Variants in PXDNL observed in about 807,000 individuals in gnomAD.
PXDNL encodes the protein probable oxidoreductase PXDNL.
Under a neutral mutation model 150.8 loss-of-function variants are expected in PXDNL, and 145 were observed. The ratio of observed to expected loss-of-function variants is 0.96; its 90% CI spans 0.84 to 1.10. PXDNL has a LOEUF of 1.10. Ranked by LOEUF, PXDNL falls within the 50% of genes least tolerant of loss-of-function variation. The pLI, the probability that PXDNL is intolerant of heterozygous loss-of-function variation, is 0.00. For synonymous variants in PXDNL, 757 were observed against 725.7 expected, an observed-to-expected ratio of 1.04 and a Z score of -0.69; for missense variants, 2,087 against 1,873.9, an observed-to-expected ratio of 1.11 and a Z score of -2.10.
intron 9 of PXDNL, among the ~76,000 whole-genome samples, chr8:51,457,013 T>G (rs1379241587): frequency 6.6e-6 from 1 of 152,234 alleles, no homozygotes; most frequent in Non-Finnish European, 1.5e-5. Flanking sequence ...GAAAATTTGT[T>G]GCAGTCATTA....
intron 3 of PXDNL, among the ~76,000 whole-genome samples, chr8:51,586,657 C>A (rs1274399521): frequency 1.3e-5 from 2 of 152,080 alleles, no homozygotes; most frequent in Non-Finnish European, 2.9e-5. Flanking sequence ...CTATAGGATA[C>A]AATAGAAATA....
intron 1 of PXDNL, among the ~76,000 whole-genome samples, chr8:51,745,796 GCTGGAGTGCAGTGGTGAGA>G (rs1171858985): frequency 2.7e-5 from 4 of 147,054 alleles, no homozygotes; most frequent in South Asian, 2.1e-4. Context: ...TCACTCTGTC[GCTGGAGTGCAGTGGTGAGA>G]CTGGAGTGCA....
intron 4 of PXDNL, among the ~76,000 whole-genome samples, chr8:51,554,716 A>G (rs1812565793): frequency 6.6e-6 from 1 of 152,176 alleles, no homozygotes; most frequent in Non-Finnish European, 1.5e-5. Flanking sequence ...TTAGAAAATA[A>G]TGGCCTTTAC....
At chr8:51,386,247 C>G (rs1190672617) in intron 17 of PXDNL, among the ~76,000 whole-genome samples, 1 of 152,084 alleles carries the variant, frequency 6.6e-6, no homozygotes, top group Admixed American at 6.6e-5. Flanking sequence ...CACGTGCCAC[C>G]ATGCCCGGCT....
intron 2 of PXDNL, among the ~76,000 whole-genome samples, chr8:51,646,302 C>T (rs750236262): frequency 6.6e-5 from 10 of 152,156 alleles, no homozygotes; most frequent in Non-Finnish European, 1.3e-4. Context: ...TCGGGAGAAA[C>T]CAGACCTGCT....
intron 8 of PXDNL, among the ~76,000 whole-genome samples, chr8:51,471,806 C>A (rs113173215): frequency 0.045 from 6,827 of 151,922 alleles, 225 homozygotes; most frequent in Middle Eastern, 0.078. Context: ...CCTGCCTCAG[C>A]CTCCCGAGTA....
intron 2 of PXDNL, among the ~76,000 whole-genome samples, chr8:51,632,945 A>C (rs969868744): frequency 1.3e-5 from 2 of 152,110 alleles, no homozygotes; most frequent in Admixed American, 1.3e-4. Flanking sequence ...GGTTTGTTAC[A>C]TGGGTATACT....
chr8:51,756,393 G>GAAAAAA (rs199827186), intron 1 of PXDNL, among the ~76,000 whole-genome samples: 1 of 88,722 alleles, frequency 1.1e-5, no homozygotes, highest in African/African-American at 4.4e-5. Context: ...CCCCATCACA[G>GAAAAAA]AAAAAAAAAA....
intron 4 of PXDNL, among the ~76,000 whole-genome samples, chr8:51,513,171 T>C (rs1811460374): frequency 3.3e-5 from 5 of 152,042 alleles, no homozygotes; most frequent in Admixed American, 2.0e-4. Flanking sequence ...GATGAACAAG[T>C]GGTGGGTGGG....
At chr8:51,372,975 T>A (rs959019223) in intron 18 of PXDNL, among the ~76,000 whole-genome samples, 1 of 152,176 alleles carries the variant, frequency 6.6e-6, no homozygotes, top group East Asian at 1.9e-4. Flanking sequence ...TTTTTTGTGC[T>A]GAGTATAGAG....
intron 17 of PXDNL, among the ~76,000 whole-genome samples, chr8:51,406,872 G>T (rs1808450706): frequency 6.6e-6 from 1 of 152,240 alleles, no homozygotes; most frequent in African/African-American, 2.4e-5. Context: ...CATCTGAGCA[G>T]ATGTGCAATA....
At chr8:51,363,848 A>G (rs899698046) in intron 19 of PXDNL, among the ~76,000 whole-genome samples, 14 of 152,182 alleles carry the variant, frequency 9.2e-5, no homozygotes, top group Non-Finnish European at 1.8e-4. Flanking sequence ...TGATGTTATA[A>G]CAGTAGCTAA....
chr8:51,360,564 C>T (rs1477038086), intron 19 of PXDNL, among the ~76,000 whole-genome samples: 6 of 152,232 alleles, frequency 3.9e-5, no homozygotes, highest in Admixed American at 1.3e-4. Context: ...TACCTATCCA[C>T]GTACACAGTT....
chr8:51,398,269 C>G (rs1255965144), intron 17 of PXDNL, among the ~76,000 whole-genome samples: 1 of 152,210 alleles, frequency 6.6e-6, no homozygotes, highest in Non-Finnish European at 1.5e-5. Context: ...TGCAGCTGCA[C>G]TCGAGGCTGC....
At chr8:51,751,467 C>T (rs970085201) in intron 1 of PXDNL, among the ~76,000 whole-genome samples, 1 of 152,170 alleles carries the variant, frequency 6.6e-6, no homozygotes, top group Non-Finnish European at 1.5e-5. Flanking sequence ...AATGAATTGG[C>T]GTGTTTATTT....
In PXDNL at chr8:51,699,621, G is replaced by T. The variant is rs374559434; in HGVS notation, c.165-44861C>A. Among the ~76,000 whole-genome samples, 42 of 152,302 alleles carry T rather than the reference G, an allele frequency of 2.8e-4. No individual in the cohort carries two copies. The South Asian group carries it at 4.4e-3, about 16-fold the overall frequency. On this transcript the variant is annotated intron_variant, in intron 1 of 22. Coordinates refer to ENST00000356297, the MANE Select transcript of PXDNL (RefSeq NM_144651.5). The stretch of plus-strand genomic sequence containing the variant: ...ACAACTTGGCTGTTCGGCACAAGAG[G>T]CCTAGCTTTCAGCCTATCTCAGCTT...
At chr8:51,649,554 A>C (rs1046640470) in intron 2 of PXDNL, among the ~76,000 whole-genome samples, 1 of 152,136 alleles carries the variant, frequency 6.6e-6, no homozygotes, top group African/African-American at 2.4e-5. Context: ...AGTCATTGTA[A>C]AGCACCTACC....
chr8:51,634,350 T>C (rs764608712), intron 2 of PXDNL, among the ~76,000 whole-genome samples: 1 of 152,142 alleles, frequency 6.6e-6, no homozygotes, highest in African/African-American at 2.4e-5. Context: ...TGTCTGTTTT[T>C]GAATCAGTAC....
At chr8:51,729,100 C>A (rs1379558740) in intron 1 of PXDNL, among the ~76,000 whole-genome samples, 1 of 152,148 alleles carries the variant, frequency 6.6e-6, no homozygotes, top group East Asian at 1.9e-4. Flanking sequence ...CCTGAGAGCA[C>A]AATGACAGAA....
Sources: gnomAD v4.1 joint callset for allele counts (sites outside exome capture counted in the v4.1 genomes callset) on GRCh38, gnomAD v4.1.1 for gene constraint, MANE v1.5 for transcripts, NCBI Gene and HGNC (gene_info 2026-07-23, HGNC 2026-07-21) for gene names.